SLC4A10: variants seen among roughly 807,000 people sequenced by gnomAD.
The protein encoded by SLC4A10 is sodium-driven chloride bicarbonate exchanger.
In SLC4A10, 42 loss-of-function variants were observed where a neutral mutation model predicts 137.7. The observed-to-expected ratio is 0.30, with a 90% CI of 0.24 to 0.39. The LOEUF (loss-of-function observed/expected upper bound fraction) is 0.39. Among genes scored for constraint, SLC4A10 ranks in the 10% least tolerant of loss-of-function variants. The probability of loss-of-function intolerance (pLI) is 1.00; values close to 1 mark genes in which losing one functional copy is unlikely to be tolerated. For synonymous variants in SLC4A10, 474 were observed against 464.1 expected, an observed-to-expected ratio of 1.02 and a Z score of -0.27; for missense variants, 925 against 1,355.0, an observed-to-expected ratio of 0.68 and a Z score of 4.98.
intron 18 of SLC4A10, among the ~76,000 whole-genome samples, chr2:161,949,681 C>T (rs1694448336): frequency 6.6e-6 from 1 of 151,502 alleles, no homozygotes; most frequent in African/African-American, 2.4e-5. Flanking sequence ...ATTCCTTATC[C>T]AAAGTGCTTG....
At chr2:161,678,763 G>T (rs948025598) in intron 1 of SLC4A10, among the ~76,000 whole-genome samples, 1 of 152,026 alleles carries the variant, frequency 6.6e-6, no homozygotes, top group Non-Finnish European at 1.5e-5. Flanking sequence ...CATTATGTCT[G>T]TGATACTCAT....
intron 1 of SLC4A10, among the ~76,000 whole-genome samples, chr2:161,756,613 C>T (rs191787105): frequency 1.1e-4 from 16 of 152,252 alleles, no homozygotes; most frequent in Non-Finnish European, 1.9e-4. Flanking sequence ...AATCTCCTTG[C>T]CCACTGTACC....
rs1692651936 is a variant in SLC4A10 at position 161,941,342 on chromosome 2, A to C, written c.1998-1450A>C. Among the ~76,000 whole-genome samples, 5 of 152,288 alleles carry C rather than the reference A, an allele frequency of 3.3e-5. No individual in the cohort carries two copies. The South Asian group carries it at 1.0e-3, about 32-fold the overall frequency. On this transcript the variant is annotated intron_variant, in intron 15 of 26. Coordinates refer to ENST00000446997, the MANE Select transcript of SLC4A10 (RefSeq NM_001178015.2). ...ATGGAGCCTCTGGTTAAAACTGAAAAGCAGGTGCTTCGAAGGAGGAAAAAT... is the reference window on the plus strand; with the variant it reads ...ATGGAGCCTCTGGTTAAAACTGAAACGCAGGTGCTTCGAAGGAGGAAAAAT...
chr2:161,789,537 T>G (rs1445074784), intron 2 of SLC4A10, among the ~76,000 whole-genome samples: 1 of 152,050 alleles, frequency 6.6e-6, no homozygotes, highest in Non-Finnish European at 1.5e-5. Flanking sequence ...AAAGCTACAT[T>G]AAAGTTATAA....
At position 161,983,252 on chromosome 2, in the gene SLC4A10, C is replaced by T; in HGVS notation, c.*100C>T. ...CAGGGAGACTTGTCTATGACTCGAT[C>T]TTCAATTTATTTTTTACATATATAT... On this transcript the variant is annotated 3_prime_UTR_variant, in exon 27 of 27. Coordinates refer to ENST00000446997, the MANE Select transcript of SLC4A10 (RefSeq NM_001178015.2). 6.5e-7 allele frequency: 1 copy of T among 1,535,088 alleles called. No individual in the cohort carries two copies. The highest frequency in any genetic ancestry group is 8.7e-7 in the Non-Finnish European group (1 of 1,145,938).
At chr2:161,811,655 G>A (rs534514447) in intron 3 of SLC4A10, among the ~76,000 whole-genome samples, 70 of 151,974 alleles carry the variant, frequency 4.6e-4, no homozygotes, top group Middle Eastern at 6.8e-3. Context: ...ACCATTACTT[G>A]ATAGTAATCT....
At chr2:161,766,417 T>G (rs138106922) in intron 1 of SLC4A10, among the ~76,000 whole-genome samples, 1 of 152,202 alleles carries the variant, frequency 6.6e-6, no homozygotes, top group African/African-American at 2.4e-5. Context: ...AAATTAAACG[T>G]TTCACTGCTT....
Position 161,733,963 on chromosome 2 carries a change from A to G in SLC4A10, c.49-37010A>G, listed in dbSNP as rs192755880. On this transcript the variant is annotated intron_variant, in intron 1 of 26. Transcript: ENST00000446997. ...CCCTGGAAAACCTTTGTTTTGGTCA[A>G]TTTCTCCCATTTGGAACAGCTGTAT... Among the ~76,000 whole-genome samples, 235 of 152,220 alleles carry G rather than the reference A, an allele frequency of 1.5e-3. 2 individuals are homozygous for G. Among genetic ancestry groups the G allele is most frequent in the African/African-American group, 5.3e-3 (222 of 41,530 alleles).
chr2:161,854,991 T>A lies in SLC4A10; in HGVS notation c.438T>A (p.Asp146Glu). ...ETARWLKFEEDVEDGGERWSK... is the reference protein window; with the variant it reads ...ETARWLKFEEEVEDGGERWSK... ...ATAGGTGGTTGAAGTTTGAAGAAGA[T>A]GTGGAAGATGGAGGAGAAAGGTGGA... is the stretch of plus-strand genomic sequence containing the variant. Residue 146 changes from aspartate to glutamate, a missense_variant, in exon 5 of 27, where the codon GAT (aspartate) becomes GAA (glutamate). By Grantham distance (45) the Asp-to-Glu change is conservative. Around this residue, in one of 11 missense-constraint regions of SLC4A10, gnomAD observed 1 missense variants for 23.8 expected, o/e 0.04. Coordinates refer to ENST00000446997, the MANE Select transcript of SLC4A10 (RefSeq NM_001178015.2). The A allele has an allele frequency of 6.2e-7, 1 of 1,612,730 alleles. No homozygotes were observed. Among genetic ancestry groups the A allele is most frequent in the Non-Finnish European group, 8.5e-7 (1 of 1,179,236 alleles).
chr2:161,974,259 G>A lies in SLC4A10; in HGVS notation c.3170G>A (p.Ser1057Asn). The A allele has an allele frequency of 6.2e-7, 1 of 1,606,484 alleles. No individual in the cohort carries two copies. The highest frequency in any genetic ancestry group is 1.3e-5 in the African/African-American group (1 of 74,910). Residue 1057 changes from serine to asparagine, a missense_variant, in exon 24 of 27, where the codon AGT (serine) becomes AAT (asparagine). By Grantham distance (46) the Ser-to-Asn change is conservative. Transcript: ENST00000446997. ...LEDAEKEEEQ[S>N]MLAMEDEGTV... ...CATTTGTCTTTTCAGGAAGAACAAA[G>A]TATGCTAGCTATGGAAGATGAGGGC...
intron 26 of SLC4A10, 46 bp downstream of exon 26, chr2:161,977,806 T>A (rs1351113690): frequency 6.5e-7 from 1 of 1,528,822 alleles, no homozygotes; most frequent in African/African-American, 1.4e-5. Flanking sequence ...CATTTCCTTA[T>A]GTTAAATGGT....
chr2:161,888,417 A>G (rs916596748), intron 10 of SLC4A10, among the ~76,000 whole-genome samples: 3 of 152,176 alleles, frequency 2.0e-5, no homozygotes, highest in Non-Finnish European at 4.4e-5. Flanking sequence ...GATTCTTCCT[A>G]TCCATGAGCA....
chr2:161,898,474 A>T, intron 11 of SLC4A10, among the ~76,000 whole-genome samples: 1 of 152,164 alleles, frequency 6.6e-6, no homozygotes, highest in East Asian at 1.9e-4. Context: ...ACGGAGTGAA[A>T]TGAGTTAATA....
At chr2:161,799,360 T>C (rs116034704) in intron 2 of SLC4A10, among the ~76,000 whole-genome samples, 2,576 of 152,058 alleles carry the variant, frequency 0.017, 75 homozygotes, top group African/African-American at 0.058. Context: ...AACTGATAGC[T>C]ATCCGGGTGA....
At chr2:161,790,179 A>T (rs2054052183) in intron 2 of SLC4A10, among the ~76,000 whole-genome samples, 1 of 152,190 alleles carries the variant, frequency 6.6e-6, no homozygotes, top group Admixed American at 6.5e-5. Context: ...TTTAGTAACC[A>T]TATCACAATA....
chr2:161,735,137 T>A (rs1459083352), intron 1 of SLC4A10, among the ~76,000 whole-genome samples: 3 of 148,690 alleles, frequency 2.0e-5, no homozygotes, highest in Non-Finnish European at 3.0e-5. Flanking sequence ...TATGAAAAAA[T>A]ATATATATTA....
intron 2 of SLC4A10, among the ~76,000 whole-genome samples, chr2:161,796,052 C>T (rs901318211): frequency 6.6e-6 from 1 of 152,028 alleles, no homozygotes; most frequent in African/African-American, 2.4e-5. Flanking sequence ...TTTGCCTGCC[C>T]ATTGAGATAT....
At chr2:161,778,101 AG>A (rs11344547) in intron 2 of SLC4A10, among the ~76,000 whole-genome samples, 10,299 of 152,028 alleles carry the variant, frequency 0.068, 404 homozygotes, top group African/African-American at 0.11. Flanking sequence ...TACTTTCTAC[AG>A]TCTGAGAACA....
At chr2:161,947,361 A>G (rs1402230837) in intron 16 of SLC4A10, among the ~76,000 whole-genome samples, 1 of 152,082 alleles carries the variant, frequency 6.6e-6, no homozygotes, top group Non-Finnish European at 1.5e-5. Context: ...TCATGTTCAA[A>G]TTTTTCATAA....
Sources: gnomAD v4.1 joint callset for allele counts (sites outside exome capture counted in the v4.1 genomes callset) on GRCh38, gnomAD v4.1.1 for gene constraint, gnomAD v4.1.1 regional missense constraint, MANE v1.5 for transcripts, NCBI Gene and HGNC (gene_info 2026-07-23, HGNC 2026-07-21) for gene names.